The following COL5A2 variants were observed in gnomAD, a reference collection of about 807,000 sequenced individuals.
The protein encoded by COL5A2 is collagen alpha-2(V) chain.
Under a neutral mutation model 208.2 loss-of-function variants are expected in COL5A2, and 23 were observed. The ratio of observed to expected loss-of-function variants is 0.11; its 90% confidence interval spans 0.08 to 0.16. The LOEUF (loss-of-function observed/expected upper bound fraction) is 0.16, where lower values mean the gene tolerates loss of function less well. COL5A2 is among the 10% of genes least tolerant of loss of function. COL5A2 has a pLI of 1.00. For missense variants in COL5A2, 1,590 were observed against 1,956.4 expected (o/e 0.81, Z 3.53); for synonymous variants, 625 against 628.5 (o/e 0.99, Z 0.08).
chr2:189,104,347 C>A, intron 2 of COL5A2, 70 bp from the exon 3 acceptor site: 1 of 1,042,608 alleles, frequency 9.6e-7, no homozygotes, highest in Non-Finnish European at 1.5e-6. Context: ...TAAATATTTA[C>A]TTTCAATAAT....
chr2:189,112,649 T>C (rs1022164222), intron 1 of COL5A2, among the ~76,000 whole-genome samples: 1 of 152,198 alleles, frequency 6.6e-6, no homozygotes, highest in Non-Finnish European at 1.5e-5. Flanking sequence ...TGTTTTATCT[T>C]CATTAAAAGA....
chr2:189,211,959 A>C (rs1389895643), intron 1 of COL5A2, among the ~76,000 whole-genome samples: 3 of 152,216 alleles, frequency 2.0e-5, no homozygotes, highest in Admixed American at 2.0e-4. Context: ...AGTGCATTTG[A>C]TGGACTTGAG....
the COL5A2 span, among the ~76,000 whole-genome samples, chr2:189,250,444 C>A: frequency 1.3e-5 from 2 of 152,224 alleles, no homozygotes; most frequent in Non-Finnish European, 2.9e-5. Flanking sequence ...TAGAGAGTAA[C>A]ACTTGGCCAA....
At chr2:189,421,342 C>T in the COL5A2 span, among the ~76,000 whole-genome samples, 1 of 152,104 alleles carries the variant, frequency 6.6e-6, no homozygotes, top group Non-Finnish European at 1.5e-5. Context: ...TTAATTTGAA[C>T]AACTATCCAC....
At chr2:189,091,230 C>G (rs1486311981) in intron 7 of COL5A2, among the ~76,000 whole-genome samples, 6 of 152,076 alleles carry the variant, frequency 3.9e-5, no homozygotes, top group Non-Finnish European at 1.5e-5. Flanking sequence ...TAAGTAGAGC[C>G]TGAAGATGTT....
At chr2:189,186,236 A>G (rs530594775) in intron 1 of COL5A2, among the ~76,000 whole-genome samples, 1 of 152,074 alleles carries the variant, frequency 6.6e-6, no homozygotes, top group East Asian at 1.9e-4. Flanking sequence ...GGCTCAAACA[A>G]TCCTCCTGCC....
intron 6 of COL5A2, 136 bp downstream of exon 6, chr2:189,097,141 A>T: frequency 1.3e-6 from 1 of 765,012 alleles, no homozygotes; most frequent in Non-Finnish European, 2.3e-6. Flanking sequence ...GATAATATAC[A>T]ATTATTATTG....
At chr2:189,281,793 G>T in the COL5A2 span, among the ~76,000 whole-genome samples, 4 of 152,114 alleles carry the variant, frequency 2.6e-5, no homozygotes, top group African/African-American at 9.7e-5. Flanking sequence ...GCATCAATAA[G>T]TAAGAAACTA....
the COL5A2 span, among the ~76,000 whole-genome samples, chr2:189,329,423 TTAA>T: frequency 6.6e-6 from 1 of 152,164 alleles, no homozygotes; most frequent in Non-Finnish European, 1.5e-5. Context: ...GTGACTATAG[TTAA>T]TAATAATGTA....
chr2:189,431,438 A>C, the COL5A2 span, among the ~76,000 whole-genome samples: 1 of 152,274 alleles, frequency 6.6e-6, no homozygotes, highest in Middle Eastern at 3.4e-3. Flanking sequence ...AAAAAAGCTA[A>C]AAACCTTGAA....
chr2:189,049,635 T>A (rs527580013), intron 43 of COL5A2, among the ~76,000 whole-genome samples, 181 bp from the exon 44 acceptor site: 1 of 152,284 alleles, frequency 6.6e-6, no homozygotes, highest in African/African-American at 2.4e-5. Context: ...CCTATCAGAC[T>A]CCTCTTGACG....
At chr2:189,432,476 G>T in the COL5A2 span, among the ~76,000 whole-genome samples, 3 of 152,146 alleles carry the variant, frequency 2.0e-5, no homozygotes, top group Non-Finnish European at 4.4e-5. Context: ...AAAATAAAGG[G>T]ATGGAGGAAG....
At chr2:189,313,875 A>G in the COL5A2 span, among the ~76,000 whole-genome samples, 1 of 152,240 alleles carries the variant, frequency 6.6e-6, no homozygotes, top group Admixed American at 6.5e-5. Context: ...AAAGGGTTCA[A>G]TTCAGCAAGA....
At chr2:189,294,333 T>C in the COL5A2 span, among the ~76,000 whole-genome samples, 4 of 152,212 alleles carry the variant, frequency 2.6e-5, no homozygotes, top group African/African-American at 7.2e-5. Flanking sequence ...TGTATTTATA[T>C]AGCCTGTGTC....
At chr2:189,127,020 G>A (rs1687619235) in intron 1 of COL5A2, among the ~76,000 whole-genome samples, 1 of 152,042 alleles carries the variant, frequency 6.6e-6, no homozygotes, top group Non-Finnish European at 1.5e-5. Flanking sequence ...GCAACTTACA[G>A]AAATAAATTC....
At chr2:189,083,392 A>G (rs1381956645) in intron 12 of COL5A2, among the ~76,000 whole-genome samples, 2 of 152,088 alleles carry the variant, frequency 1.3e-5, no homozygotes, top group South Asian at 2.1e-4. Context: ...GAAAACAGCT[A>G]TGTTAGGAGA....
chr2:189,076,232 T>C (rs1686402367), intron 16 of COL5A2, among the ~76,000 whole-genome samples: 2 of 152,198 alleles, frequency 1.3e-5, no homozygotes, highest in South Asian at 2.1e-4. Flanking sequence ...GGCTGTTTCC[T>C]AGGAAACCTG....
chr2:189,307,027 C>T, the COL5A2 span, among the ~76,000 whole-genome samples: 5,611 of 152,180 alleles, frequency 0.037, 118 homozygotes, highest in Admixed American at 0.05. Flanking sequence ...ATGTCTTTGT[C>T]TGCCTTAAAG....
At chr2:189,134,546 G>A (rs897793480) in intron 1 of COL5A2, among the ~76,000 whole-genome samples, 7 of 152,132 alleles carry the variant, frequency 4.6e-5, no homozygotes, top group African/African-American at 1.2e-4. Flanking sequence ...TCAAGATTGC[G>A]CCACTGCACT....
Sources: gnomAD v4.1 joint callset for allele counts (sites outside exome capture counted in the v4.1 genomes callset) on GRCh38, gnomAD v4.1.1 for gene constraint, MANE v1.5 for transcripts, NCBI Gene and HGNC (gene_info 2026-07-23, HGNC 2026-07-21) for gene names.